Variants in TANC2 observed in about 807,000 individuals in gnomAD.
TANC2 encodes tetratricopeptide repeat, ankyrin repeat and coiled-coil containing 2, also known as protein TANC2.
A neutral mutation model predicts 210.5 loss-of-function variants in TANC2; 26 were observed. The observed-to-expected ratio is 0.12, with a 90% CI of 0.09 to 0.17. The LOEUF is 0.17. Among genes scored for constraint, TANC2 ranks in the 10% least tolerant of loss-of-function variants. The pLI, the probability that TANC2 is intolerant of heterozygous loss-of-function variation, is 1.00. For missense variants in TANC2, 2,129 were observed against 2,608.9 expected, an observed-to-expected ratio of 0.82 and a Z score of 4.01; for synonymous variants, 931 against 967.1, an observed-to-expected ratio of 0.96 and a Z score of 0.69.
chr17:63,274,595 C>T (rs1477771025), intron 9 of TANC2, among the ~76,000 whole-genome samples: 1 of 152,134 alleles, frequency 6.6e-6, no homozygotes. Context: ...GGAGGGATCA[C>T]CTGAGGTCAG....
intron 1 of TANC2, among the ~76,000 whole-genome samples, chr17:62,978,022 G>A (rs192526463): frequency 6.6e-6 from 1 of 152,142 alleles, no homozygotes; most frequent in East Asian, 1.9e-4. Flanking sequence ...TCAGTAAATG[G>A]AACTCTAATT....
At position 63,421,847 on chromosome 17, in the gene TANC2, G is replaced by A; in HGVS notation, c.6117G>A (p.Val2039=). The change falls in exon 28 of 28, where the codon GTG becomes GTA. Residue 2039 remains valine, a synonymous_variant. Coordinates refer to ENST00000689528, the Ensembl canonical transcript of TANC2. The surrounding 1 kb of genome is among the most constrained non-coding windows in gnomAD (Gnocchi z 6.9). ...TGAAGGTAGCTCGGACTCTACCTGT[G>A]GCTCAGGCATACCAGGACAACCTGT... 1 of 1,614,022 alleles carries A rather than the reference G, an allele frequency of 6.2e-7. No homozygotes were observed. The highest frequency in any genetic ancestry group is 1.3e-5 in the African/African-American group (1 of 75,042).
chr17:63,274,294 G>C (rs901614358), intron 9 of TANC2, among the ~76,000 whole-genome samples: 2 of 151,834 alleles, frequency 1.3e-5, no homozygotes, highest in African/African-American at 4.8e-5. Flanking sequence ...CCGGCCCAAC[G>C]GGGGAGAGGT....
intron 3 of TANC2, among the ~76,000 whole-genome samples, chr17:63,098,484 ACTCTCTCTCTCT>A (rs1175349288): frequency 2.1e-4 from 15 of 72,292 alleles, no homozygotes; most frequent in Non-Finnish European, 3.9e-4. Flanking sequence ...ACACACATAC[ACTCTCTCTCTCT>A]CTCTCTCTCT....
intron 15 of TANC2, among the ~76,000 whole-genome samples, chr17:63,388,429 C>G (rs772122726): frequency 9.2e-5 from 14 of 152,282 alleles, no homozygotes; most frequent in Non-Finnish European, 1.6e-4. Flanking sequence ...TTGCTAAGGG[C>G]TGCAGAGATG....
chr17:63,051,968 G>A (rs1036507864), intron 2 of TANC2, among the ~76,000 whole-genome samples: 3 of 152,080 alleles, frequency 2.0e-5, no homozygotes, highest in African/African-American at 4.8e-5. Context: ...TAACCCTGTC[G>A]TAAGGTGAGG....
At chr17:63,175,532 CCAAA>C (rs1159954988) in intron 5 of TANC2, among the ~76,000 whole-genome samples, 4 of 82,648 alleles carry the variant, frequency 4.8e-5, no homozygotes, top group African/African-American at 1.4e-4. Flanking sequence ...GTCTCCCCCG[CCAAA>C]AAAAAAAAAA....
At chr17:63,228,400 C>T (rs1174063252) in intron 7 of TANC2, among the ~76,000 whole-genome samples, 1 of 152,104 alleles carries the variant, frequency 6.6e-6, no homozygotes, top group Non-Finnish European at 1.5e-5. Flanking sequence ...TTAGGATTGC[C>T]TTGGCTATAC....
At chr17:63,015,719 G>A (rs2034077090) in intron 2 of TANC2, among the ~76,000 whole-genome samples, 1 of 137,564 alleles carries the variant, frequency 7.3e-6, no homozygotes, top group Non-Finnish European at 1.5e-5. Context: ...TCTGATGCTT[G>A]TAGCAAGTAC....
intron 3 of TANC2, among the ~76,000 whole-genome samples, chr17:63,090,072 C>T (rs1367344988): frequency 6.6e-6 from 1 of 152,058 alleles, no homozygotes; most frequent in African/African-American, 2.4e-5. Context: ...CCTCATGCCC[C>T]CTTGTAATTA....
At chr17:63,042,744 T>C (rs866707549) in intron 2 of TANC2, among the ~76,000 whole-genome samples, 5 of 152,122 alleles carry the variant, frequency 3.3e-5, no homozygotes, top group African/African-American at 9.7e-5. Context: ...GGGTATTGTT[T>C]ATGAATCGTT....
At chr17:63,296,677 A>G (rs1440666924) in intron 9 of TANC2, among the ~76,000 whole-genome samples, 4 of 152,240 alleles carry the variant, frequency 2.6e-5, no homozygotes, top group Admixed American at 6.5e-5. Context: ...AAAGGATACC[A>G]GGAGAACAAT....
At chr17:63,098,531 A>ATATATATATG (rs1555571201) in intron 3 of TANC2, among the ~76,000 whole-genome samples, 3 of 146,846 alleles carry the variant, frequency 2.0e-5, no homozygotes, top group Non-Finnish European at 4.5e-5. Flanking sequence ...ATATATATAT[A>ATATATATATG]TATGTAAAAA....
At chr17:63,321,084 G>A (rs1451366731) in intron 11 of TANC2, among the ~76,000 whole-genome samples, 2 of 152,014 alleles carry the variant, frequency 1.3e-5, no homozygotes, top group Non-Finnish European at 2.9e-5. Flanking sequence ...TGTAGTCCCA[G>A]CTACTCAGGA....
At chr17:63,194,895 A>G (rs1306608375) in intron 6 of TANC2, among the ~76,000 whole-genome samples, 1 of 152,088 alleles carries the variant, frequency 6.6e-6, no homozygotes, top group Non-Finnish European at 1.5e-5. Context: ...AATGTAGCAA[A>G]AAAAAGTACT....
intron 4 of TANC2, among the ~76,000 whole-genome samples, chr17:63,137,340 A>G (rs560759840): frequency 6.6e-6 from 1 of 152,304 alleles, no homozygotes; most frequent in South Asian, 2.1e-4. Flanking sequence ...CATAAAGAAG[A>G]TGTTGATTTC....
rs147624371 is a variant in TANC2 at position 63,093,300 on chromosome 17, A to G, written c.140-5875A>G. Among the ~76,000 whole-genome samples, 404 of 152,014 alleles carry G rather than the reference A, an allele frequency of 2.7e-3. 5 individuals are homozygous for G. The highest frequency in any genetic ancestry group is 9.2e-3 in the African/African-American group (382 of 41,514). On this transcript the variant is annotated intron_variant, in intron 3 of 27. Coordinates refer to ENST00000689528, the Ensembl canonical transcript of TANC2. ...ATTTCTCTTTGATGTTTTCATGAGT[A>G]GAGGTATGCTTCAAGGTCCGTGTTT...
At chr17:63,210,398 C>G (rs2041848552) in intron 7 of TANC2, among the ~76,000 whole-genome samples, 1 of 152,212 alleles carries the variant, frequency 6.6e-6, no homozygotes, top group Non-Finnish European at 1.5e-5. Context: ...CTGATTATCC[C>G]TCCCTTCTCT....
chr17:63,125,146 C>CTAA (rs1368381659), intron 4 of TANC2: 1 of 152,154 alleles, frequency 6.6e-6, no homozygotes, highest in Non-Finnish European at 1.5e-5. Context: ...TCAGATCCTG[C>CTAA]GCTTACTAGC....
Sources: gnomAD v4.1 joint callset for allele counts (sites outside exome capture counted in the v4.1 genomes callset) on GRCh38, gnomAD v4.1.1 for gene constraint, Gnocchi (gnomAD v3.1) non-coding constraint, MANE v1.5 for transcripts, NCBI Gene and HGNC (gene_info 2026-07-23, HGNC 2026-07-21) for gene names.